The following CTNND2 variants were observed in gnomAD, a reference collection of about 807,000 sequenced individuals.
The protein encoded by CTNND2 is catenin delta-2.
Under a neutral mutation model 144.4 loss-of-function variants are expected in CTNND2, and 22 were observed. The observed-to-expected ratio is 0.15, with a 90% confidence interval of 0.11 to 0.22. The LOEUF (loss-of-function observed/expected upper bound fraction) is 0.22, where lower values mean the gene tolerates loss of function less well. CTNND2 is among the 10% of genes least tolerant of loss of function. CTNND2 has a pLI of 1.00. For synonymous variants in CTNND2, 751 were observed against 695.6 expected (o/e 1.08, Z -1.25); for missense variants, 1,353 against 1,618.8 (o/e 0.84, Z 2.82).
At position 11,584,611 on chromosome 5, in the gene CTNND2, A is replaced by G. The variant is rs561005722; in HGVS notation, c.175-19555T>C. ...GATTACAGAGTTTATTTTTAAAATCATATGTGCTGAGTTTAATTAAACATA... is the reference window on the plus strand; with the variant it reads ...GATTACAGAGTTTATTTTTAAAATCGTATGTGCTGAGTTTAATTAAACATA... On this transcript the variant is annotated intron_variant, in intron 2 of 21. Transcript: ENST00000304623. 2.0e-5 allele frequency among the ~76,000 whole-genome samples: 3 copies of G among 152,310 alleles called. No individual in the cohort carries two copies. The East Asian group carries it at 5.8e-4, about 29-fold the overall frequency.
intron 2 of CTNND2, among the ~76,000 whole-genome samples, chr5:11,641,365 C>T (rs1781990208): frequency 6.6e-6 from 1 of 151,836 alleles, no homozygotes; most frequent in African/African-American, 2.4e-5. Context: ...CTCAGTTTTA[C>T]TAGGAGTATC....
intron 21 of CTNND2, among the ~76,000 whole-genome samples, chr5:10,977,019 G>C (rs1266451341): frequency 1.3e-5 from 2 of 152,224 alleles, no homozygotes; most frequent in Non-Finnish European, 2.9e-5. Context: ...CTGGCGATGG[G>C]CCCCAGCAAT....
intron 2 of CTNND2, among the ~76,000 whole-genome samples, chr5:11,627,459 A>G (rs994806057): frequency 4.6e-5 from 7 of 152,154 alleles, no homozygotes; most frequent in African/African-American, 1.7e-4. Flanking sequence ...TCTATAGTAT[A>G]ACAAAATGTT....
intron 2 of CTNND2, among the ~76,000 whole-genome samples, chr5:11,641,685 TAC>T (rs1345584826): frequency 7.6e-6 from 1 of 130,952 alleles, no homozygotes; most frequent in Non-Finnish European, 1.6e-5. Flanking sequence ...TATATACATA[TAC>T]GTGTGTGTAT....
chr5:11,544,358 G>C (rs1467995334), intron 3 of CTNND2, among the ~76,000 whole-genome samples: 2 of 152,106 alleles, frequency 1.3e-5, no homozygotes, highest in East Asian at 3.8e-4. Context: ...ACTGCTGATA[G>C]GATTAGAAAA....
intron 9 of CTNND2, among the ~76,000 whole-genome samples, chr5:11,270,515 G>A (rs1745891716): frequency 6.6e-6 from 1 of 151,658 alleles, no homozygotes; most frequent in East Asian, 1.9e-4. Flanking sequence ...TTAGCCTGTG[G>A]GAATTTTCAT....
At chr5:11,649,814 TATC>T (rs1246354385) in intron 2 of CTNND2, among the ~76,000 whole-genome samples, 4 of 152,174 alleles carry the variant, frequency 2.6e-5, no homozygotes, top group Non-Finnish European at 5.9e-5. Context: ...TTGTAGGCAC[TATC>T]AGAATGCTTT....
chr5:11,702,287 A>G (rs1223495828), intron 2 of CTNND2, among the ~76,000 whole-genome samples: 2 of 152,178 alleles, frequency 1.3e-5, no homozygotes, highest in African/African-American at 4.8e-5. Context: ...ACAGCTGTCA[A>G]GGTCCCAGTA....
intron 2 of CTNND2, among the ~76,000 whole-genome samples, chr5:11,689,442 A>G (rs780106169): frequency 1.3e-5 from 2 of 152,206 alleles, no homozygotes; most frequent in Non-Finnish European, 2.9e-5. Flanking sequence ...CTTTATAATC[A>G]TTCTAAAATA....
chr5:11,307,743 T>C (rs989195881), intron 9 of CTNND2, among the ~76,000 whole-genome samples: 2 of 152,172 alleles, frequency 1.3e-5, no homozygotes, highest in African/African-American at 4.8e-5. Flanking sequence ...AAACATGCAT[T>C]ATATTAGACT....
intron 3 of CTNND2, among the ~76,000 whole-genome samples, chr5:11,556,044 T>C (rs1184048924): frequency 6.6e-6 from 1 of 152,194 alleles, no homozygotes; most frequent in Non-Finnish European, 1.5e-5. Flanking sequence ...TACAACTTTA[T>C]TGGAGCAGTA....
At chr5:11,643,439 C>T (rs944006149) in intron 2 of CTNND2, among the ~76,000 whole-genome samples, 2 of 140,798 alleles carry the variant, frequency 1.4e-5, no homozygotes, top group African/African-American at 5.3e-5. Context: ...CCTGTGTCCA[C>T]GTGTTCTCAT....
chr5:11,501,662 G>A (rs1581352673), intron 3 of CTNND2, among the ~76,000 whole-genome samples: 1 of 152,234 alleles, frequency 6.6e-6, no homozygotes, highest in African/African-American at 2.4e-5. Flanking sequence ...AACGCTGGGA[G>A]GTAATTAGGT....
intron 18 of CTNND2, among the ~76,000 whole-genome samples, chr5:11,016,734 G>A (rs1486140367): frequency 6.6e-6 from 1 of 152,134 alleles, no homozygotes; most frequent in Middle Eastern, 3.4e-3. Context: ...CAATGCCTAT[G>A]CCATTCTCCC....
chr5:11,421,549 T>C (rs575880362), intron 3 of CTNND2, among the ~76,000 whole-genome samples: 1 of 152,260 alleles, frequency 6.6e-6, no homozygotes, highest in South Asian at 2.1e-4. Context: ...CTCTAATCTA[T>C]TTCATCACTT....
chr5:11,415,846 G>T (rs1158364118), intron 3 of CTNND2, among the ~76,000 whole-genome samples: 1 of 152,024 alleles, frequency 6.6e-6, no homozygotes, highest in African/African-American at 2.4e-5. Flanking sequence ...CCACTTTATG[G>T]CCAAGCACAG....
intron 1 of CTNND2, among the ~76,000 whole-genome samples, chr5:11,849,945 C>T (rs1794937181): frequency 6.6e-6 from 1 of 152,122 alleles, no homozygotes; most frequent in African/African-American, 2.4e-5. Context: ...TTCCAGCAAT[C>T]TGGCCATAAG....
At chr5:11,840,615 A>G (rs1581984164) in intron 1 of CTNND2, among the ~76,000 whole-genome samples, 1 of 152,224 alleles carries the variant, frequency 6.6e-6, no homozygotes, top group East Asian at 1.9e-4. Context: ...ACCCACCAAA[A>G]TAACTCGTAT....
intron 2 of CTNND2, among the ~76,000 whole-genome samples, chr5:11,710,708 T>C (rs149689089): frequency 6.6e-6 from 1 of 152,220 alleles, no homozygotes; most frequent in East Asian, 1.9e-4. Context: ...TACAAGTCTA[T>C]TTTTTCCCTA....
Sources: gnomAD v4.1 joint callset for allele counts (sites outside exome capture counted in the v4.1 genomes callset) on GRCh38, gnomAD v4.1.1 for gene constraint, MANE v1.5 for transcripts, NCBI Gene and HGNC (gene_info 2026-07-23, HGNC 2026-07-21) for gene names.